ERAP1: variants seen among roughly 807,000 people sequenced by gnomAD.
ERAP1 encodes endoplasmic reticulum aminopeptidase 1.
Under a neutral mutation model 103.7 loss-of-function variants are expected in ERAP1, and 86 were observed. The observed-to-expected ratio is 0.83, with a 90% CI of 0.70 to 0.99. The LOEUF (loss-of-function observed/expected upper bound fraction) is 0.99. Among genes scored for constraint, ERAP1 ranks in the 50% least tolerant of loss-of-function variants. The pLI, the probability that ERAP1 is intolerant of heterozygous loss-of-function variation, is 0.00. For synonymous variants in ERAP1, 398 were observed against 402.4 expected (o/e 0.99, Z 0.13); for missense variants, 1,009 against 1,128.4 (o/e 0.89, Z 1.52).
chr5:96,864,198 T>C, the ERAP1 span, among the ~76,000 whole-genome samples: 1 of 152,342 alleles, frequency 6.6e-6, no homozygotes, highest in Non-Finnish European at 1.5e-5. Flanking sequence ...AAATGAATAA[T>C]GTTACCACTT....
chr5:96,915,033 G>A, the ERAP1 span, among the ~76,000 whole-genome samples: 1 of 151,740 alleles, frequency 6.6e-6, no homozygotes, highest in Non-Finnish European at 1.5e-5. Flanking sequence ...TTGAGACGGA[G>A]TTTCATTCTC....
the ERAP1 span, among the ~76,000 whole-genome samples, chr5:96,824,195 AG>A: frequency 7.9e-5 from 12 of 152,222 alleles, no homozygotes; most frequent in African/African-American, 2.9e-4. Flanking sequence ...AATGTAGATA[AG>A]GGTGGACTCC....
At chr5:96,867,131 C>A in the ERAP1 span, among the ~76,000 whole-genome samples, 1 of 151,864 alleles carries the variant, frequency 6.6e-6, no homozygotes, top group African/African-American at 2.4e-5. Flanking sequence ...CTCAGCCTCC[C>A]GAGTAGCTGA....
the ERAP1 span, among the ~76,000 whole-genome samples, chr5:96,921,394 T>G: frequency 6.6e-6 from 1 of 152,250 alleles, no homozygotes; most frequent in African/African-American, 2.4e-5. Flanking sequence ...TCATTTATTT[T>G]CTTATGTACA....
At chr5:96,901,593 C>T in the ERAP1 span, 5 of 1,614,122 alleles carry the variant, frequency 3.1e-6, no homozygotes, top group South Asian at 5.5e-5. Context: ...GGTGGTTAAA[C>T]AAGACGGGTG....
chr5:96,874,338 T>C, the ERAP1 span, among the ~76,000 whole-genome samples: 1 of 152,222 alleles, frequency 6.6e-6, no homozygotes, highest in Non-Finnish European at 1.5e-5. Flanking sequence ...CATCACCACT[T>C]CTGTTCCAGT....
the ERAP1 span, chr5:96,917,671 C>CCAAGG: frequency 7.5e-7 from 1 of 1,328,644 alleles, no homozygotes; most frequent in Non-Finnish European, 1.0e-6. Flanking sequence ...CTTTGGGAGG[C>CCAAGG]TGAGAAGGGC....
At chr5:96,867,593 A>G in the ERAP1 span, among the ~76,000 whole-genome samples, 1 of 152,176 alleles carries the variant, frequency 6.6e-6, no homozygotes, top group Non-Finnish European at 1.5e-5. Context: ...TATCTGCCAG[A>G]ATGCCAACAA....
chr5:96,870,366 A>C, the ERAP1 span, among the ~76,000 whole-genome samples: 4 of 152,234 alleles, frequency 2.6e-5, no homozygotes, highest in Non-Finnish European at 5.9e-5. Context: ...TCCAAACCAC[A>C]AAAATGACCA....
At chr5:96,844,788 C>T in the ERAP1 span, among the ~76,000 whole-genome samples, 1 of 152,216 alleles carries the variant, frequency 6.6e-6, no homozygotes, top group Non-Finnish European at 1.5e-5. Flanking sequence ...TGGCACTCTC[C>T]ACCTCCTTTG....
chr5:96,816,431 G>A, the ERAP1 span, among the ~76,000 whole-genome samples: 2 of 152,244 alleles, frequency 1.3e-5, no homozygotes, highest in African/African-American at 2.4e-5. Context: ...CACCTACCCC[G>A]CCTCTGCAGC....
At chr5:96,888,827 C>T in the ERAP1 span, among the ~76,000 whole-genome samples, 10 of 152,238 alleles carry the variant, frequency 6.6e-5, no homozygotes, top group Non-Finnish European at 1.2e-4. Flanking sequence ...TGTTTGTGGT[C>T]ATCATTTTGG....
the ERAP1 span, among the ~76,000 whole-genome samples, chr5:96,897,656 T>C: frequency 2.6e-5 from 4 of 152,150 alleles, no homozygotes; most frequent in African/African-American, 4.8e-5. Flanking sequence ...ATGTAGATAA[T>C]AGGAAAGGCA....
In ERAP1 at chr5:96,781,191, C is replaced by T. The variant is rs371817031; in HGVS notation, c.2455G>A (p.Asp819Asn). ...ATTTTATCTCCCTTAAAGCTTTCATCTAGTAGCCTAGAAGGATTAAGAAAA... is the reference window on the plus strand; with the variant it reads ...ATTTTATCTCCCTTAAAGCTTTCATTTAGTAGCCTAGAAGGATTAAGAAAA... ...QNKEKLQWLL[D>N]ESFKGDKIKT... Residue 819 changes from aspartate to asparagine, a missense_variant, in exon 17 of 19, where the codon GAT (aspartate) becomes AAT (asparagine). Asp to Asn is a conservative substitution (Grantham distance 23). Around this residue, in one of 3 missense-constraint regions of ERAP1, gnomAD observed 611 missense variants for 651.7 expected, o/e 0.94. Coordinates refer to ENST00000443439, the MANE Select transcript of ERAP1 (RefSeq NM_001040458.3). 1.9e-6 allele frequency: 3 copies of T among 1,612,060 alleles called. No homozygotes were observed. The highest frequency in any genetic ancestry group is 1.3e-5 in the African/African-American group (1 of 74,378).
chr5:96,816,520 G>A, the ERAP1 span, among the ~76,000 whole-genome samples: 4 of 152,286 alleles, frequency 2.6e-5, no homozygotes, highest in East Asian at 1.9e-4. Context: ...CTTAGGCACA[G>A]GTGCAACAAA....
chr5:96,765,355 T>G lies in ERAP1; in HGVS notation c.2819-2127A>C, dbSNP rs1769535213. On this transcript the variant is annotated intron_variant, in intron 19 of 19. Coordinates refer to the ERAP1 transcript ENST00000296754. ...AAAAAAAAAAAAAAAAAAAAAAAAT[T>G]CACTAATAGTGAAATTTTAATCCTT... The G allele has an allele frequency of 2.5e-6, 2 of 786,262 alleles. 1 individual carries two copies. The highest frequency in any genetic ancestry group is 6.1e-5 in the Admixed American group (2 of 32,578). 48.7% of individuals were successfully genotyped at this position (786,262 alleles called of 1,614,324 possible).
the ERAP1 span, among the ~76,000 whole-genome samples, chr5:96,922,817 C>T: frequency 8.5e-5 from 13 of 152,156 alleles, no homozygotes; most frequent in East Asian, 1.9e-4. Context: ...CTAAGTTGTG[C>T]GTTATCTGTA....
chr5:96,781,773 A>T lies in ERAP1; in HGVS notation c.2367T>A (p.Tyr789Ter). 1 of 1,614,194 alleles carries T rather than the reference A, an allele frequency of 6.2e-7. No individual in the cohort carries two copies. Among genetic ancestry groups the T allele is most frequent in the Non-Finnish European group, 8.5e-7 (1 of 1,180,032 alleles). The change falls in exon 16 of 19, where the codon TAT becomes TAA. Residue 789 changes from tyrosine to a stop codon, truncating the protein, a stop_gained. Transcript: ENST00000443439. LOFTEE classifies it high-confidence loss of function. Reference protein sequence around the residue: ...TEGWDFLYSKYQFSLSSTEKS... With the variant: ...TEGWDFLYSK ...TCTCAGTACTGGACAAAGAAAACTGATATTTACTATAAAGAAAATCCCAGC... is the reference window on the plus strand; with the variant it reads ...TCTCAGTACTGGACAAAGAAAACTGTTATTTACTATAAAGAAAATCCCAGC...
chr5:96,934,332 G>A, the ERAP1 span: 2 of 152,214 alleles, frequency 1.3e-5, no homozygotes, highest in African/African-American at 4.8e-5. Flanking sequence ...TCTTTGCAGA[G>A]GTGACATTTG....
Sources: allele counts gnomAD v4.1 joint callset (sites outside exome capture counted in the v4.1 genomes callset), GRCh38; gene constraint gnomAD v4.1.1; regional missense constraint gnomAD v4.1.1; transcripts MANE v1.5; gene names NCBI Gene and HGNC (gene_info 2026-07-23, HGNC 2026-07-21).